The following RANBP6 variants were observed in gnomAD, a reference collection of about 807,000 sequenced individuals.
RANBP6 encodes ran-binding protein 6.
Under a neutral mutation model 35.3 loss-of-function variants are expected in RANBP6, and 10 were observed. The ratio of observed to expected loss-of-function variants is 0.28; its 90% CI spans 0.17 to 0.48. The LOEUF (loss-of-function observed/expected upper bound fraction) is 0.48, where lower values mean the gene tolerates loss of function less well. Among genes scored for constraint, RANBP6 ranks in the 20% least tolerant of loss-of-function variants. RANBP6 has a pLI of 0.99. For missense variants in RANBP6, 1,392 were observed against 1,307.7 expected (o/e 1.06, Z -0.99); for synonymous variants, 514 against 464.2 (o/e 1.11, Z -1.38).
chr9:6,015,296 AGC>A lies in RANBP6; in HGVS notation c.310_311del (p.Ala104CysfsTer2). Reference protein sequence around the residue: ...QRDVKIELILAVKLETHASMR... With the variant: ...QRDVKIELILXVKLETHASMR... ...TGCTAGCATGTGTTTCTAACTTAAC[AGC>A]CAGAATCAGTTCAATCTTGACATCT... On this transcript the variant is annotated frameshift_variant, in exon 1 of 1. Coordinates refer to ENST00000259569, the MANE Select transcript of RANBP6 (RefSeq NM_012416.4). LOFTEE classifies it low-confidence loss of function (END_TRUNC). The A allele has an allele frequency of 1.9e-6, 3 of 1,614,250 alleles. No individual in the cohort carries two copies. Among genetic ancestry groups the A allele is most frequent in the Non-Finnish European group, 2.5e-6 (3 of 1,180,048 alleles).
Position 6,015,509 on chromosome 9 carries a change from C to T in RANBP6, c.99G>A (p.Val33=). The T allele has an allele frequency of 6.2e-7, 1 of 1,613,646 alleles. No homozygotes were observed. Among genetic ancestry groups the T allele is most frequent in the Non-Finnish European group, 8.5e-7 (1 of 1,180,040 alleles). ...CATAGATTTCCTCTGCTTGCCTCCG[C>T]ACCATACAGCTTGGATTGATCAGGT... ...LKNLINPSCM[V]RRQAEEIYEN... The change falls in exon 1 of 1, where the codon GTG becomes GTA. Residue 33 remains valine, a synonymous_variant. Coordinates refer to ENST00000259569, the MANE Select transcript of RANBP6 (RefSeq NM_012416.4).
rs965211240 is a variant in RANBP6, at chr9:6,011,412, A to C, written c.*878T>G. On this transcript the variant is annotated 3_prime_UTR_variant, in exon 1 of 1. Transcript: ENST00000259569. ...AGAATCTCTTAGGAAATTATTTGAA[A>C]TAGAAATCAATTTAAGCCCTATAAC... 1 of 152,230 alleles carries C rather than the reference A, an allele frequency of 6.6e-6. No homozygotes were observed. Among genetic ancestry groups the C allele is most frequent in the African/African-American group, 2.4e-5 (1 of 41,454 alleles). The allele number at this position is 152,230 out of a possible 1,614,324, so 9.4% of individuals were successfully genotyped here. A position where few individuals can be genotyped will look rare whatever the true frequency, so the allele number is the denominator to read the frequency against.
At position 6,014,829 on chromosome 9, in the gene RANBP6, C is replaced by T. The variant is rs1166834052; in HGVS notation, c.779G>A (p.Gly260Asp). The change falls in exon 1 of 1, where the codon GGT becomes GAT. Residue 260 changes from glycine to aspartate, a missense_variant. By Grantham distance (94) the Gly-to-Asp change is moderately conservative. Coordinates refer to ENST00000259569, the MANE Select transcript of RANBP6 (RefSeq NM_012416.4). Reference sequence around the variant, plus strand: ...CTGTAGAGTATCTTCTAAATAAGGACCCAAGTACTTAGGTACGGTATCTGC... The same window carrying T: ...CTGTAGAGTATCTTCTAAATAAGGATCCAAGTACTTAGGTACGGTATCTGC... ...EIADTVPKYL[G>D]PYLEDTLQLS... 6.2e-7 allele frequency: 1 copy of T among 1,614,160 alleles called. No homozygotes were observed. Among genetic ancestry groups the T allele is most frequent in the South Asian group, 1.1e-5 (1 of 91,086 alleles).
rs1378162480 is a variant in RANBP6, at chr9:6,013,734, T to C, written c.1874A>G (p.Lys625Arg). 3 of 1,614,014 alleles carry C rather than the reference T, an allele frequency of 1.9e-6. No individual in the cohort carries two copies. Among genetic ancestry groups the C allele is most frequent in the Non-Finnish European group, 1.7e-6 (2 of 1,180,022 alleles). ...CAGTGGAAGGTACTGTTGAAAATCT[T>C]TTCCAAGAATTTTACACATTCTAGC... Reference protein sequence around the residue: ...AWARMCKILGKDFQQYLPLVI... With the variant: ...AWARMCKILGRDFQQYLPLVI... The change falls in exon 1 of 1, where the codon AAA (lysine) becomes AGA (arginine). Residue 625 changes from lysine (K) to arginine (R), a missense_variant. Physicochemically the swap from Lys to Arg is conservative, Grantham distance 26. Coordinates refer to ENST00000259569, the MANE Select transcript of RANBP6 (RefSeq NM_012416.4).
In RANBP6 at chr9:6,013,408, A is replaced by C. The variant is rs1168479589; in HGVS notation, c.2200T>G (p.Ser734Ala). The change falls in exon 1 of 1, where the codon TCC becomes GCC. Residue 734 changes from serine to alanine, a missense_variant. By Grantham distance (99) the Ser-to-Ala change is moderately conservative. Transcript: ENST00000259569. Reference sequence around the variant, plus strand: ...GCACATTCCAGGAGAAAAGGCATGGACTCTGCTGCTGCCACTCGAACATTG... The same window carrying C: ...GCACATTCCAGGAGAAAAGGCATGGCCTCTGCTGCTGCCACTCGAACATTG... ...HDNVRVAAAESMPFLLECARI... is the reference protein window; with the variant it reads ...HDNVRVAAAEAMPFLLECARI... 1.2e-6 allele frequency: 2 copies of C among 1,614,018 alleles called. No individual in the cohort carries two copies.
Position 6,012,121 on chromosome 9 carries a change from G to A in RANBP6, c.*169C>T, listed in dbSNP as rs1842481884. The A allele has an allele frequency of 1.2e-5, 6 of 505,756 alleles. No individual in the cohort carries two copies. Among genetic ancestry groups the A allele is most frequent in the Non-Finnish European group, 1.7e-5 (5 of 297,962 alleles). The allele number at this position is 505,756 out of a possible 1,614,324, so 31.3% of individuals were successfully genotyped here. ...GGTCTGTGTTTGGAAGATAAAACAT[G>A]CGAGATAAACAGAGGACTAACACTG... On this transcript the variant is annotated 3_prime_UTR_variant, in exon 1 of 1. Coordinates refer to ENST00000259569, the MANE Select transcript of RANBP6 (RefSeq NM_012416.4).
Position 6,012,139 on chromosome 9 carries a change from TAACAC to T in RANBP6, c.*146_*150del. On this transcript the variant is annotated 3_prime_UTR_variant, in exon 1 of 1. Transcript: ENST00000259569. ...AAAACATGCGAGATAAACAGAGGAC[TAACAC>T]TGATTAATTCTGGAGAAACATGGAG... 2 of 600,988 alleles carry T rather than the reference TAACAC, an allele frequency of 3.3e-6. No individual in the cohort carries two copies. The highest frequency in any genetic ancestry group is 5.3e-5 in the South Asian group (2 of 37,512). The allele number at this position is 600,988 out of a possible 1,614,324, so 37.2% of individuals were successfully genotyped here. A position where few individuals can be genotyped will look rare whatever the true frequency, so the allele number is the denominator to read the frequency against.
rs753822820 is a variant in RANBP6 at position 6,014,335 on chromosome 9, C to A, written c.1273G>T (p.Ala425Ser). Residue 425 changes from alanine (A) to serine (S), a missense_variant, in exon 1 of 1, where the codon GCT (alanine) becomes TCT (serine). Transcript: ENST00000259569. ...TGTCCAAGTGTAGTACAGGCTGCAG[C>A]CCTCACCCTTGGATGAGGATCCTGA... ...FLQDPHPRVR[A>S]AACTTLGQMA... 77 of 1,613,962 alleles carry A rather than the reference C, an allele frequency of 4.8e-5. No individual in the cohort carries two copies. The highest frequency in any genetic ancestry group is 6.4e-5 in the Non-Finnish European group (76 of 1,179,908).
chr9:6,015,011 T>A lies in RANBP6; in HGVS notation c.597A>T (p.Thr199=), dbSNP rs343500. ...ATGCAGCTGCAGCTCTAGCGGATAA[T>A]GTCCTGATTGCTGGATGTTCTTGAT... The part of the protein sequence containing the change: ...IQDQEHPAIR[T]LSARAAAAFV... The change falls in exon 1 of 1, where the codon ACA becomes ACT. Residue 199 remains threonine (T), a synonymous_variant. Coordinates refer to ENST00000259569, the MANE Select transcript of RANBP6 (RefSeq NM_012416.4). 2 of 1,614,128 alleles carry A rather than the reference T, an allele frequency of 1.2e-6. No individual in the cohort carries two copies. The highest frequency in any genetic ancestry group is 1.7e-5 in the Admixed American group (1 of 60,024).
chr9:6,012,463 T>C lies in RANBP6; in HGVS notation c.3145A>G (p.Ile1049Val), dbSNP rs757716022. Reference protein sequence around the residue: ...NNSNLPKIISIIAEGKINETI... With the variant: ...NNSNLPKIISVIAEGKINETI... ...TCATTAATTTTTCCTTCTGCAATTA[T>C]ACTGATTATTTTGGGAAGATTGGAA... is the stretch of plus-strand genomic sequence containing the variant. Residue 1049 changes from isoleucine (I) to valine (V), a missense_variant, in exon 1 of 1, where the codon ATA (isoleucine) becomes GTA (valine). By Grantham distance (29) the Ile-to-Val change is conservative. Transcript: ENST00000259569. 2.5e-6 allele frequency: 4 copies of C among 1,612,818 alleles called. No homozygotes were observed. Among genetic ancestry groups the C allele is most frequent in the East Asian group, 2.2e-5 (1 of 44,890 alleles).
rs796769765 is a variant in RANBP6, at chr9:6,014,488, T to G, written c.1120A>C (p.Met374Leu). Residue 374 changes from methionine (M) to leucine (L), a missense_variant, in exon 1 of 1, where the codon ATG (methionine) becomes CTG (leucine). Coordinates refer to ENST00000259569, the MANE Select transcript of RANBP6 (RefSeq NM_012416.4). ...LPMTKEHIMQ[M>L]LQSPDWKYRH... ...TACTTCCAGTCAGGGCTCTGAAGCA[T>G]CTGCATGATATGCTCCTTGGTCATT... The G allele has an allele frequency of 6.2e-6, 10 of 1,614,108 alleles. No homozygotes were observed. In the Admixed American group the frequency reaches 1.0e-4, roughly 16 times the overall value.
chr9:6,011,765 T>C lies in RANBP6; in HGVS notation c.*525A>G, dbSNP rs1842476360. ...CAGGAGTACATTATGAAGAAGTTCA[T>C]ATACATCCCACATCCACTGCAGTAT... On this transcript the variant is annotated 3_prime_UTR_variant, in exon 1 of 1. Coordinates refer to ENST00000259569, the MANE Select transcript of RANBP6 (RefSeq NM_012416.4). The C allele has an allele frequency of 6.6e-6, 1 of 152,620 alleles. No individual in the cohort carries two copies. Among genetic ancestry groups the C allele is most frequent in the Non-Finnish European group, 1.5e-5 (1 of 68,354 alleles). 9.5% of individuals were successfully genotyped at this position (152,620 alleles called of 1,614,324 possible).
At position 6,012,860 on chromosome 9, in the gene RANBP6, C is replaced by A; in HGVS notation, c.2748G>T (p.Trp916Cys). 6.2e-7 allele frequency: 1 copy of A among 1,613,892 alleles called. No homozygotes were observed. The highest frequency in any genetic ancestry group is 8.5e-7 in the Non-Finnish European group (1 of 1,179,924). Residue 916 changes from tryptophan to cysteine, a missense_variant, in exon 1 of 1, where the codon TGG (tryptophan) becomes TGT (cysteine). Trp to Cys is a radical substitution (Grantham distance 215). Coordinates refer to ENST00000259569, the MANE Select transcript of RANBP6 (RefSeq NM_012416.4). ...TSFKYVEYFRWPMLLNMRDNN... is the reference protein window; with the variant it reads ...TSFKYVEYFRCPMLLNMRDNN... Reference sequence around the variant, plus strand: ...TATCTCGCATATTTAGTAGCATTGGCCACCGAAAATATTCTACATATTTAA... The same window carrying A: ...TATCTCGCATATTTAGTAGCATTGGACACCGAAAATATTCTACATATTTAA...
chr9:6,012,835 T>C lies in RANBP6; in HGVS notation c.2773A>G (p.Asn925Asp). 6.2e-7 allele frequency: 1 copy of C among 1,614,130 alleles called. No homozygotes were observed. Among genetic ancestry groups the C allele is most frequent in the Non-Finnish European group, 8.5e-7 (1 of 1,180,012 alleles). The change falls in exon 1 of 1, where the codon AAC becomes GAC. Residue 925 changes from asparagine (N) to aspartate (D), a missense_variant. Transcript: ENST00000259569. ...RWPMLLNMRD[N>D]NPEVRQAAAY... Reference sequence around the variant, plus strand: ...GCAGCTTGCCTGACTTCAGGGTTGTTATCTCGCATATTTAGTAGCATTGGC... The same window carrying C: ...GCAGCTTGCCTGACTTCAGGGTTGTCATCTCGCATATTTAGTAGCATTGGC...
Position 6,011,666 on chromosome 9 carries a change from A to G in RANBP6, c.*624T>C, listed in dbSNP as rs189479785. The G allele has an allele frequency of 6.6e-6, 1 of 152,206 alleles. No individual in the cohort carries two copies. The highest frequency in any genetic ancestry group is 1.5e-5 in the Non-Finnish European group (1 of 68,016). The allele number at this position is 152,206 out of a possible 1,614,324, so 9.4% of individuals were successfully genotyped here. ...AAAAAATAGAGACCTGTCTGGCTAAAGAAATTTAAAAGTTCTCTAACTCTC... is the reference window on the plus strand; with the variant it reads ...AAAAAATAGAGACCTGTCTGGCTAAGGAAATTTAAAAGTTCTCTAACTCTC... On this transcript the variant is annotated 3_prime_UTR_variant, in exon 1 of 1. Transcript: ENST00000259569.
rs1417748699 is a variant in RANBP6, at chr9:6,015,017, G to A, written c.591C>T (p.Ile197=). ...CTGCAGCTCTAGCGGATAATGTCCT[G>A]ATTGCTGGATGTTCTTGATCTTGAA... is the stretch of plus-strand genomic sequence containing the variant. ...QCIQDQEHPA[I]RTLSARAAAA... is the part of the protein sequence containing the mutation. Residue 197 remains isoleucine, a synonymous_variant, in exon 1 of 1, where the codon ATC becomes ATT. Transcript: ENST00000259569. The A allele has an allele frequency of 1.2e-6, 2 of 1,614,094 alleles. No individual in the cohort carries two copies. The highest frequency in any genetic ancestry group is 3.3e-5 in the Admixed American group (2 of 60,010).
At position 6,013,866 on chromosome 9, in the gene RANBP6, A is replaced by C. The variant is rs1295923900; in HGVS notation, c.1742T>G (p.Phe581Cys). The C allele has an allele frequency of 6.2e-6, 10 of 1,613,746 alleles. No individual in the cohort carries two copies. In the African/African-American group the frequency reaches 9.3e-5, roughly 15 times the overall value. ...HIGLAVGKEK[F>C]MQDASNVMQL... ...CATCACATTTGATGCATCTTGCATA[A>C]ATTTTTCCTTCCCAACAGCAAGACC... is the stretch of plus-strand genomic sequence containing the variant. Residue 581 changes from phenylalanine to cysteine, a missense_variant, in exon 1 of 1, where the codon TTT becomes TGT. Physicochemically the swap from Phe to Cys is radical, Grantham distance 205. Transcript: ENST00000259569.
At position 6,014,039 on chromosome 9, in the gene RANBP6, G is replaced by A. The variant is rs140901201; in HGVS notation, c.1569C>T (p.Thr523=). ...CTATTGTATCTGCAACTGATGCAATGGTTGTCACAAGTTGTTCCAAAGCCA... is the reference window on the plus strand; with the variant it reads ...CTATTGTATCTGCAACTGATGCAATAGTTGTCACAAGTTGTTCCAAAGCCA... ...TKLALEQLVT[T]IASVADTIEE... is the part of the protein sequence containing the mutation. Residue 523 remains threonine, a synonymous_variant, in exon 1 of 1, where the codon ACC becomes ACT. Coordinates refer to ENST00000259569, the MANE Select transcript of RANBP6 (RefSeq NM_012416.4). 9.7e-5 allele frequency: 157 copies of A among 1,613,804 alleles called. 2 individuals carry two copies. The East Asian group carries it at 1.1e-3, about 11-fold the overall frequency.
Position 6,015,436 on chromosome 9 carries a change from T to C in RANBP6, c.172A>G (p.Arg58Gly). 2 of 1,614,236 alleles carry C rather than the reference T, an allele frequency of 1.2e-6. No homozygotes were observed. The highest frequency in any genetic ancestry group is 1.7e-6 in the Non-Finnish European group (2 of 1,180,046). Residue 58 changes from arginine (R) to glycine (G), a missense_variant, in exon 1 of 1, where the codon AGA becomes GGA. Physicochemically the swap from Arg to Gly is moderately radical, Grantham distance 125 (BLOSUM62 -2). Transcript: ENST00000259569. Reference protein sequence around the residue: ...CKTTFLLDAVRNRRAGYEVRQ... With the variant: ...CKTTFLLDAVGNRRAGYEVRQ... ...ACCTCATAACCTGCTCTTCTATTTCTGACGGCATCTAAGAGGAAGGTAGTC... is the reference window on the plus strand; with the variant it reads ...ACCTCATAACCTGCTCTTCTATTTCCGACGGCATCTAAGAGGAAGGTAGTC...
Sources: allele counts gnomAD v4.1 joint callset, GRCh38; gene constraint gnomAD v4.1.1; transcripts MANE v1.5; gene names NCBI Gene and HGNC (gene_info 2026-07-23, HGNC 2026-07-21).